Variants in GAP43 observed in about 807,000 individuals in gnomAD.
GAP43 encodes the protein growth associated protein 43.
Under a neutral mutation model 18.6 loss-of-function variants are expected in GAP43, and 6 were observed. The ratio of observed to expected loss-of-function variants is 0.32; its 90% CI spans 0.18 to 0.64. The LOEUF (loss-of-function observed/expected upper bound fraction) is 0.64, where lower values mean the gene tolerates loss of function less well. Among genes scored for constraint, GAP43 ranks in the 30% least tolerant of loss-of-function variants. The pLI is 0.78. For synonymous variants in GAP43, 115 were observed against 111.4 expected, an observed-to-expected ratio of 1.03 and a Z score of -0.20; for missense variants, 292 against 295.5, an observed-to-expected ratio of 0.99 and a Z score of 0.09.
intron 1 of GAP43, among the ~76,000 whole-genome samples, chr3:115,662,201 A>G (rs1576986306): frequency 6.6e-6 from 1 of 152,148 alleles, no homozygotes; most frequent in African/African-American, 2.4e-5. Flanking sequence ...GACATTTGGT[A>G]AAAGGAGAAT....
intron 1 of GAP43, among the ~76,000 whole-genome samples, chr3:115,643,704 C>T (rs1708425818): frequency 6.6e-6 from 1 of 151,984 alleles, no homozygotes; most frequent in Non-Finnish European, 1.5e-5. Flanking sequence ...CACCCTAACA[C>T]TCCTTATCTG....
intron 1 of GAP43, among the ~76,000 whole-genome samples, chr3:115,626,807 T>C (rs1708193198): frequency 6.6e-6 from 1 of 152,116 alleles, no homozygotes; most frequent in Admixed American, 6.6e-5. Context: ...ATGCAACAAA[T>C]AAATCTTATC....
At chr3:115,633,798 T>G (rs1387871598) in intron 1 of GAP43, among the ~76,000 whole-genome samples, 5 of 152,216 alleles carry the variant, frequency 3.3e-5, no homozygotes. Context: ...TTTGGAATGG[T>G]GTAGCTTTGC....
chr3:115,642,474 T>C (rs1048615350), intron 1 of GAP43, among the ~76,000 whole-genome samples: 1 of 151,848 alleles, frequency 6.6e-6, no homozygotes, highest in African/African-American at 2.4e-5. Flanking sequence ...GGTAGACATA[T>C]GTGTGTCGAT....
At chr3:115,624,915 G>C (rs1708167258) in intron 1 of GAP43, among the ~76,000 whole-genome samples, 1 of 151,872 alleles carries the variant, frequency 6.6e-6, no homozygotes, top group African/African-American at 2.4e-5. Context: ...GGGTGTGGTG[G>C]GGGCAATCTT....
chr3:115,713,084 G>C (rs1262100124), intron 2 of GAP43, among the ~76,000 whole-genome samples: 1 of 152,154 alleles, frequency 6.6e-6, no homozygotes, highest in Non-Finnish European at 1.5e-5. Context: ...CCATGATCCA[G>C]GCTCCAGATG....
rs750342541 is a variant in GAP43, at chr3:115,676,214, G to T, written c.232G>T (p.Val78Leu). Reference sequence around the variant, plus strand: ...GGATGAAGCCCCTGTTGCCGATGGGGTGGAGAAGAAGGGAGAAGGCACCAC... The same window carrying T: ...GGATGAAGCCCCTGTTGCCGATGGGTTGGAGAAGAAGGGAGAAGGCACCAC... ...KKDEAPVADGVEKKGEGTTTA... is the reference protein window; with the variant it reads ...KKDEAPVADGLEKKGEGTTTA... The change falls in exon 2 of 3, where the codon GTG (valine) becomes TTG (leucine). Residue 78 changes from valine to leucine, a missense_variant. Physicochemically the swap from Val to Leu is conservative, Grantham distance 32. Transcript: ENST00000305124. 5.0e-6 allele frequency: 8 copies of T among 1,614,064 alleles called. No individual in the cohort carries two copies. Among genetic ancestry groups the T allele is most frequent in the Non-Finnish European group, 5.9e-6 (7 of 1,180,042 alleles).
chr3:115,677,264 CA>C (rs1708904335), intron 2 of GAP43, among the ~76,000 whole-genome samples: 1 of 152,032 alleles, frequency 6.6e-6, no homozygotes, highest in Non-Finnish European at 1.5e-5. Flanking sequence ...TTGCCAAAAA[CA>C]AAAGAAAAAC....
At chr3:115,701,522 A>G (rs770485956) in intron 2 of GAP43, among the ~76,000 whole-genome samples, 30 of 151,722 alleles carry the variant, frequency 2.0e-4, no homozygotes, top group Admixed American at 5.3e-4. Context: ...CTACATTCCT[A>G]TCTTATCTCT....
At chr3:115,664,927 G>T (rs1708713605) in intron 1 of GAP43, among the ~76,000 whole-genome samples, 1 of 152,104 alleles carries the variant, frequency 6.6e-6, no homozygotes, top group Admixed American at 6.5e-5. Flanking sequence ...TTTTCTACAT[G>T]TGGAAGAATA....
chr3:115,704,473 C>G (rs1005884765), intron 2 of GAP43, among the ~76,000 whole-genome samples: 1 of 152,002 alleles, frequency 6.6e-6, no homozygotes, highest in African/African-American at 2.4e-5. Context: ...CATAAAATAT[C>G]CACTTCACCT....
At chr3:115,683,137 GCGCGCGCGCGCACA>G (rs1175915280) in intron 2 of GAP43, among the ~76,000 whole-genome samples, 1 of 123,370 alleles carries the variant, frequency 8.1e-6, no homozygotes, top group Non-Finnish European at 1.7e-5. Flanking sequence ...GCGCGCGTGC[GCGCGCGCGCGCACA>G]CACACACACA....
rs985218247 is a variant in GAP43 at position 115,675,993 on chromosome 3, C to G, written c.31-20C>G. 1 of 1,577,644 alleles carries G rather than the reference C, an allele frequency of 6.3e-7. No homozygotes were observed. The highest frequency in any genetic ancestry group is 8.6e-7 in the Non-Finnish European group (1 of 1,165,058). On this transcript the variant is annotated intron_variant, in intron 1 of 2. Transcript: ENST00000305124. ...GAATGTCATTGAAGCCCTCTCTTTT[C>G]CCTTCTTTTCTCGACAAAGGTTGAA... is the stretch of plus-strand genomic sequence containing the variant.
At chr3:115,704,679 A>G (rs193228883) in intron 2 of GAP43, among the ~76,000 whole-genome samples, 374 of 152,174 alleles carry the variant, frequency 2.5e-3, no homozygotes, top group Non-Finnish European at 3.8e-3. Flanking sequence ...AGAGTAATAC[A>G]GTACATTTAG....
At chr3:115,664,156 G>A (rs962239636) in intron 1 of GAP43, among the ~76,000 whole-genome samples, 1 of 151,586 alleles carries the variant, frequency 6.6e-6, no homozygotes, top group Admixed American at 6.6e-5. Context: ...TCATATAAAA[G>A]TGCTTAGAAG....
At chr3:115,720,474 T>C (rs1456680179) in intron 2 of GAP43, among the ~76,000 whole-genome samples, 1 of 152,194 alleles carries the variant, frequency 6.6e-6, no homozygotes, top group Non-Finnish European at 1.5e-5. Context: ...TGATTCCCTA[T>C]GTGAAGATCC....
intron 2 of GAP43, among the ~76,000 whole-genome samples, chr3:115,706,555 C>A (rs1428318567): frequency 1.3e-5 from 2 of 152,178 alleles, no homozygotes; most frequent in African/African-American, 2.4e-5. Context: ...CTTTGAAATA[C>A]CATCGATATC....
At chr3:115,696,607 A>G (rs1176823639) in intron 2 of GAP43, among the ~76,000 whole-genome samples, 1 of 105,604 alleles carries the variant, frequency 9.5e-6, no homozygotes, top group African/African-American at 3.8e-5. Flanking sequence ...AGGTATGCTC[A>G]TATGCAGGGA....
At chr3:115,690,959 G>A (rs1170763599) in intron 2 of GAP43, among the ~76,000 whole-genome samples, 2 of 151,836 alleles carry the variant, frequency 1.3e-5, no homozygotes, top group Non-Finnish European at 2.9e-5. Context: ...GTTTCACCAT[G>A]TTAGCTAGGA....
Sources: allele counts gnomAD v4.1 joint callset (sites outside exome capture counted in the v4.1 genomes callset), GRCh38; gene constraint gnomAD v4.1.1; transcripts MANE v1.5; gene names NCBI Gene and HGNC (gene_info 2026-07-23, HGNC 2026-07-21).